TADA1: variants seen among roughly 807,000 people sequenced by gnomAD.
TADA1 encodes the protein transcriptional adapter 1.
A neutral mutation model predicts 39.3 loss-of-function variants in TADA1; 23 were observed. The observed-to-expected ratio is 0.58, with a 90% confidence interval of 0.42 to 0.83. The LOEUF (loss-of-function observed/expected upper bound fraction) is 0.83. TADA1 is among the 40% of genes least tolerant of loss of function. The probability of loss-of-function intolerance (pLI) is 0.00; values close to 1 mark genes in which losing one functional copy is unlikely to be tolerated. For missense variants in TADA1, 352 were observed against 408.1 expected, an observed-to-expected ratio of 0.86 and a Z score of 1.18; for synonymous variants, 137 against 151.8, an observed-to-expected ratio of 0.90 and a Z score of 0.72.
intron 5 of TADA1, 87 bp downstream of exon 5, chr1:166,862,116 A>C: frequency 7.8e-7 from 1 of 1,278,176 alleles, no homozygotes; most frequent in South Asian, 1.3e-5. Flanking sequence ...TGACATTTGG[A>C]TTCTTTTCTT....
intron 1 of TADA1, among the ~76,000 whole-genome samples, chr1:166,874,482 A>T (rs948201374): frequency 6.6e-6 from 1 of 152,214 alleles, no homozygotes; most frequent in African/African-American, 2.4e-5. Flanking sequence ...ATATCGAAAG[A>T]CAATTTTCGG....
At chr1:166,860,824 CA>C (rs1658390506) in intron 5 of TADA1, among the ~76,000 whole-genome samples, 1 of 152,124 alleles carries the variant, frequency 6.6e-6, no homozygotes. Context: ...TGCCCACCAC[CA>C]AGCCTGGCTA....
At chr1:166,860,122 T>G in intron 6 of TADA1, 64 bp downstream of exon 6, 3 of 1,464,676 alleles carry the variant, frequency 2.0e-6, no homozygotes, top group Non-Finnish European at 2.8e-6. Flanking sequence ...TTAACAATGG[T>G]CTATAAGAGG....
chr1:166,861,294 G>T (rs1312591410), intron 5 of TADA1, among the ~76,000 whole-genome samples: 1 of 152,088 alleles, frequency 6.6e-6, no homozygotes, highest in African/African-American at 2.4e-5. Context: ...CTTATATCAA[G>T]ACATTATTGT....
intron 3 of TADA1, among the ~76,000 whole-genome samples, chr1:166,866,877 C>T (rs1468835012): frequency 6.6e-6 from 1 of 151,894 alleles, no homozygotes; most frequent in Middle Eastern, 3.4e-3. Context: ...CCCTAGTACC[C>T]AGGATTACAG....
intron 3 of TADA1, among the ~76,000 whole-genome samples, chr1:166,867,510 T>C (rs1012048014): frequency 6.6e-6 from 1 of 151,986 alleles, no homozygotes; most frequent in Non-Finnish European, 1.5e-5. Context: ...CACAAGCAGG[T>C]GCTCACAGTT....
In TADA1 at chr1:166,857,687, G is replaced by C; in HGVS notation, c.888C>G (p.Val296=). Residue 296 remains valine (V), a synonymous_variant, in exon 8 of 8, where the codon GTC becomes GTG. Transcript: ENST00000367874. ...TGATCCTTTCAATGTTAAGAGCATA[G>C]ACAGTATGTGTAGGGATGACTTCCC... ...VHREVIPTHT[V]YALNIERIIT... 1.9e-6 allele frequency: 3 copies of C among 1,614,200 alleles called. No individual in the cohort carries two copies. Among genetic ancestry groups the C allele is most frequent in the Non-Finnish European group, 2.5e-6 (3 of 1,180,030 alleles).
rs1658297849 is a variant in TADA1 at position 166,857,204 on chromosome 1, A to C, written c.*363T>G. The C allele has an allele frequency of 5.4e-6, 1 of 185,818 alleles. No homozygotes were observed. Among genetic ancestry groups the C allele is most frequent in the South Asian group, 1.4e-4 (1 of 7,080 alleles). The allele number at this position is 185,818 out of a possible 1,614,324, so 11.5% of individuals were successfully genotyped here. A position where few individuals can be genotyped will look rare whatever the true frequency, so the allele number is the denominator to read the frequency against. Reference sequence around the variant, plus strand: ...GAATGTATGATGTCACTGAACACACAGATATCCTGCTGATCAGGGGGATTA... The same window carrying C: ...GAATGTATGATGTCACTGAACACACCGATATCCTGCTGATCAGGGGGATTA... On this transcript the variant is annotated 3_prime_UTR_variant, in exon 8 of 8. Transcript: ENST00000367874.
At chr1:166,862,485 G>A (rs2101788580) in intron 4 of TADA1, 73 bp from the exon 5 acceptor site, 1 of 1,247,528 alleles carries the variant, frequency 8.0e-7, no homozygotes, top group Non-Finnish European at 1.2e-6. Flanking sequence ...CTCCTGTACT[G>A]AAGTTGAGAT....
chr1:166,864,751 A>C (rs572264250), intron 3 of TADA1, among the ~76,000 whole-genome samples: 31 of 152,320 alleles, frequency 2.0e-4, no homozygotes, highest in African/African-American at 7.5e-4. Flanking sequence ...GCTCATTCCC[A>C]TGCACAGAAT....
rs1319621045 is a variant in TADA1 at position 166,857,804 on chromosome 1, CAT to C, written c.856-87_856-86del. 2.8e-6 allele frequency: 4 copies of C among 1,408,982 alleles called. No homozygotes were observed. The South Asian group carries it at 4.1e-5, about 14-fold the overall frequency. The allele number at this position is 1,408,982 out of a possible 1,614,324, so 87.3% of individuals were successfully genotyped here. A position where few individuals can be genotyped will look rare whatever the true frequency, so the allele number is the denominator to read the frequency against. ...TATAAAAGGGTTTATATCAACAAAA[CAT>C]ACACACAATCTATAAACTTTCAGTC... is the stretch of plus-strand genomic sequence containing the variant. On this transcript the variant is annotated intron_variant, in intron 7 of 7. Coordinates refer to ENST00000367874, the MANE Select transcript of TADA1 (RefSeq NM_053053.4).
intron 5 of TADA1, among the ~76,000 whole-genome samples, 197 bp from the exon 6 acceptor site, chr1:166,860,534 G>C (rs1319555868): frequency 6.6e-6 from 1 of 152,152 alleles, no homozygotes; most frequent in Non-Finnish European, 1.5e-5. Context: ...GAAAGAGGGG[G>C]ACATGCTTAT....
At position 166,859,725 on chromosome 1, in the gene TADA1, G is replaced by A. The variant is rs181039858; in HGVS notation, c.692+461C>T. ...GACACCAGGCACAGACCACTATCTT[G>A]AGCTATGCCTACAAGAGCCAGATGA... On this transcript the variant is annotated intron_variant, in intron 6 of 7. Coordinates refer to ENST00000367874, the MANE Select transcript of TADA1 (RefSeq NM_053053.4). Among the ~76,000 whole-genome samples the A allele has an allele frequency of 2.1e-3, 314 of 152,070 alleles. 1 individual carries two copies. The highest frequency in any genetic ancestry group is 4.8e-3 in the Admixed American group (73 of 15,274).
intron 1 of TADA1, 134 bp downstream of exon 1, chr1:166,876,026 C>A: frequency 2.3e-6 from 2 of 856,558 alleles, no homozygotes; most frequent in Non-Finnish European, 3.4e-6. Context: ...GGAGAAACCC[C>A]GAAGCCCCGC....
At chr1:166,865,382 T>C (rs1553221320) in intron 3 of TADA1, among the ~76,000 whole-genome samples, 1 of 151,994 alleles carries the variant, frequency 6.6e-6, no homozygotes, top group Non-Finnish European at 1.5e-5. Context: ...TAGTTGCCTT[T>C]GGGAATAGGT....
chr1:166,874,614 G>C (rs1325742909), intron 1 of TADA1, among the ~76,000 whole-genome samples: 2 of 151,912 alleles, frequency 1.3e-5, no homozygotes, highest in Non-Finnish European at 2.9e-5. Context: ...GCAAGACTTT[G>C]TCTCTGAAAA....
intron 3 of TADA1, among the ~76,000 whole-genome samples, chr1:166,865,900 A>T (rs571187752): frequency 3.3e-5 from 5 of 151,424 alleles, no homozygotes; most frequent in Non-Finnish European, 5.9e-5. Context: ...TACAATTTTG[A>T]TATTTTTGGA....
chr1:166,858,868 G>A (rs1658344758), intron 6 of TADA1, among the ~76,000 whole-genome samples: 1 of 152,158 alleles, frequency 6.6e-6, no homozygotes, highest in Non-Finnish European at 1.5e-5. Context: ...CGTTAGCGTG[G>A]GACTGAAGCA....
At position 166,857,689 on chromosome 1, in the gene TADA1, C is replaced by T. The variant is rs1289137321; in HGVS notation, c.886G>A (p.Val296Ile). ...VHREVIPTHT[V>I]YALNIERIIT... The stretch of plus-strand genomic sequence containing the variant: ...ATCCTTTCAATGTTAAGAGCATAGA[C>T]AGTATGTGTAGGGATGACTTCCCTG... The change falls in exon 8 of 8, where the codon GTC becomes ATC. Residue 296 changes from valine (V) to isoleucine (I), a missense_variant. By Grantham distance (29) the Val-to-Ile change is conservative. Coordinates refer to ENST00000367874, the MANE Select transcript of TADA1 (RefSeq NM_053053.4). 1.7e-5 allele frequency: 27 copies of T among 1,614,040 alleles called. No individual in the cohort carries two copies. Among genetic ancestry groups the T allele is most frequent in the Middle Eastern group, 1.6e-4 (1 of 6,084 alleles).
Sources: allele counts gnomAD v4.1 joint callset (sites outside exome capture counted in the v4.1 genomes callset), GRCh38; gene constraint gnomAD v4.1.1; transcripts MANE v1.5; gene names NCBI Gene and HGNC (gene_info 2026-07-23, HGNC 2026-07-21).